The following OCA2 variants were observed in gnomAD, a reference collection of about 807,000 sequenced individuals.
The protein encoded by OCA2 is OCA2 melanosomal transmembrane protein.
A neutral mutation model predicts 100.2 loss-of-function variants in OCA2; 77 were observed. The ratio of observed to expected loss-of-function variants is 0.77; its 90% CI spans 0.64 to 0.93. The LOEUF is 0.93. OCA2 is among the 40% of genes least tolerant of loss of function. The pLI is 0.00. For synonymous variants in OCA2, 432 were observed against 439.2 expected (o/e 0.98, Z 0.21); for missense variants, 1,062 against 1,089.1 (o/e 0.98, Z 0.35).
At chr15:27,903,154 G>C (rs2038025891) in intron 19 of OCA2, among the ~76,000 whole-genome samples, 1 of 152,248 alleles carries the variant, frequency 6.6e-6, no homozygotes, top group African/African-American at 2.4e-5. Flanking sequence ...TGAGGCTGGA[G>C]ACAGGCTGCA....
At chr15:27,939,763 G>A (rs557190850) in intron 18 of OCA2, among the ~76,000 whole-genome samples, 28 of 152,342 alleles carry the variant, frequency 1.8e-4, no homozygotes, top group Middle Eastern at 3.4e-3. Context: ...ACAGTGAGGA[G>A]TGGGTAAAAA....
chr15:27,760,944 C>T (rs2030784846), intron 23 of OCA2, among the ~76,000 whole-genome samples: 1 of 151,914 alleles, frequency 6.6e-6, no homozygotes, highest in Admixed American at 6.6e-5. Context: ...ATTACCTCAA[C>T]CCCATAAAGA....
chr15:27,830,682 G>A (rs552425469), intron 23 of OCA2, among the ~76,000 whole-genome samples: 2 of 152,260 alleles, frequency 1.3e-5, no homozygotes, highest in South Asian at 4.2e-4. Context: ...ACTGAGAGGG[G>A]AGATTTGATC....
intron 2 of OCA2, among the ~76,000 whole-genome samples, chr15:28,078,208 A>T (rs554211933): frequency 3.9e-5 from 6 of 152,382 alleles, no homozygotes; most frequent in Non-Finnish European, 7.3e-5. Flanking sequence ...GATAACCTGG[A>T]AGGACTCCAG....
At chr15:27,882,454 T>C (rs2037059073) in intron 19 of OCA2, among the ~76,000 whole-genome samples, 1 of 152,212 alleles carries the variant, frequency 6.6e-6, no homozygotes, top group Admixed American at 6.5e-5. Flanking sequence ...CTTTCATTCA[T>C]TTCAAGTGCA....
At chr15:27,951,631 C>T (rs2040030682) in intron 18 of OCA2, among the ~76,000 whole-genome samples, 153 bp downstream of exon 18, 1 of 152,174 alleles carries the variant, frequency 6.6e-6, no homozygotes, top group South Asian at 2.1e-4. Context: ...CGCCCTTCTT[C>T]CCAGGGCAGG....
chr15:28,013,542 G>A (rs1053088761), intron 9 of OCA2, among the ~76,000 whole-genome samples: 11 of 152,188 alleles, frequency 7.2e-5, no homozygotes, highest in African/African-American at 2.7e-4. Context: ...TTGGTAAGCT[G>A]AGGGTGACCA....
intron 15 of OCA2, among the ~76,000 whole-genome samples, chr15:27,962,774 A>G: frequency 6.6e-6 from 1 of 152,204 alleles, no homozygotes; most frequent in East Asian, 1.9e-4. Context: ...CAAATATAAA[A>G]CAATAATATG....
intron 14 of OCA2, among the ~76,000 whole-genome samples, chr15:27,982,485 T>C (rs1212880540): frequency 6.6e-6 from 1 of 152,190 alleles, no homozygotes; most frequent in Non-Finnish European, 1.5e-5. Context: ...ATGGCAAAGT[T>C]GGTGAAGTGT....
chr15:27,763,305 T>A (rs1230590519), intron 23 of OCA2, among the ~76,000 whole-genome samples: 3 of 152,162 alleles, frequency 2.0e-5, no homozygotes, highest in Admixed American at 2.0e-4. Context: ...AAATATTTTT[T>A]AAAACATTTG....
intron 1 of OCA2, among the ~76,000 whole-genome samples, chr15:28,096,113 C>G (rs1202660099): frequency 6.6e-6 from 1 of 151,514 alleles, no homozygotes; most frequent in Non-Finnish European, 1.5e-5. Flanking sequence ...TCTCCGGGGG[C>G]GTAGCTTGTC....
chr15:27,859,424 GAAAT>G (rs1274850857), intron 21 of OCA2, among the ~76,000 whole-genome samples: 1 of 152,048 alleles, frequency 6.6e-6, no homozygotes, highest in Admixed American at 6.6e-5. Flanking sequence ...TTAACTAAGT[GAAAT>G]AAATAAATTT....
At chr15:27,747,531 C>T in the OCA2 span, among the ~76,000 whole-genome samples, 1 of 152,108 alleles carries the variant, frequency 6.6e-6, no homozygotes, top group African/African-American at 2.4e-5. Flanking sequence ...AGTGGGCAGG[C>T]CGGCCTGGAA....
intron 9 of OCA2, among the ~76,000 whole-genome samples, chr15:28,005,405 C>T (rs143688214): frequency 7.7e-4 from 118 of 152,276 alleles, no homozygotes; most frequent in African/African-American, 2.8e-3. Flanking sequence ...CTGCTGTCAC[C>T]AAACCCACCC....
At chr15:27,967,955 G>T (rs1038940466) in intron 14 of OCA2, among the ~76,000 whole-genome samples, 5 of 152,110 alleles carry the variant, frequency 3.3e-5, no homozygotes, top group Non-Finnish European at 7.3e-5. Flanking sequence ...TTCTTTCACT[G>T]ACGTCCTGGA....
intron 23 of OCA2, 48 bp downstream of exon 23, chr15:27,844,911 T>A (rs775538651): frequency 1.5e-6 from 2 of 1,311,316 alleles, no homozygotes; most frequent in South Asian, 1.2e-5. Context: ...TAAGTAAGCT[T>A]AGGAACTAGA....
chr15:27,875,473 C>T (rs930875939), intron 19 of OCA2, among the ~76,000 whole-genome samples: 1 of 152,018 alleles, frequency 6.6e-6, no homozygotes, highest in Non-Finnish European at 1.5e-5. Flanking sequence ...GAAAAAAATG[C>T]TTTAGTTATT....
chr15:27,845,369 A>G (rs1244382787), intron 22 of OCA2, among the ~76,000 whole-genome samples: 1 of 152,196 alleles, frequency 6.6e-6, no homozygotes, highest in Non-Finnish European at 1.5e-5. Flanking sequence ...AAGTGGGGCC[A>G]ACAACCAAAG....
chr15:28,005,052 G>T (rs1039751592), intron 9 of OCA2, among the ~76,000 whole-genome samples: 1 of 152,058 alleles, frequency 6.6e-6, no homozygotes, highest in African/African-American at 2.4e-5. Flanking sequence ...TGCCGGCCTC[G>T]CCTCGCACTG....
Sources: gnomAD v4.1 joint callset for allele counts (sites outside exome capture counted in the v4.1 genomes callset) on GRCh38, gnomAD v4.1.1 for gene constraint, MANE v1.5 for transcripts, NCBI Gene and HGNC (gene_info 2026-07-23, HGNC 2026-07-21) for gene names.